Variants in DHRSX observed in about 807,000 individuals in gnomAD.
DHRSX encodes polyprenol dehydrogenase.
In DHRSX, 31 loss-of-function variants were observed where a neutral mutation model predicts 34.0. The observed-to-expected ratio is 0.91, with a 90% CI of 0.69 to 1.23. The LOEUF (loss-of-function observed/expected upper bound fraction) is 1.23, where lower values mean the gene tolerates loss of function less well. Ranked by LOEUF, DHRSX falls within the 50% of genes most tolerant of loss-of-function variation. The probability of loss-of-function intolerance (pLI) is 0.00; values close to 1 mark genes in which losing one functional copy is unlikely to be tolerated. For missense variants in DHRSX, 414 were observed against 428.1 expected, an observed-to-expected ratio of 0.97 and a Z score of 0.29; for synonymous variants, 201 against 183.8, an observed-to-expected ratio of 1.09 and a Z score of -0.76.
At chrX:2,244,203 T>C (rs2016224482) in intron 5 of DHRSX, among the ~76,000 whole-genome samples, 1 of 152,130 alleles carries the variant, frequency 6.6e-6, no homozygotes, top group Non-Finnish European at 1.5e-5. Context: ...CATGTTAAAC[T>C]CTTTGCACCT....
intron 3 of DHRSX, among the ~76,000 whole-genome samples, chrX:2,348,077 G>A (rs1362856603): frequency 2.6e-5 from 4 of 152,158 alleles, no homozygotes; most frequent in Non-Finnish European, 4.4e-5. Context: ...CCCAAGCCAG[G>A]CCAATTGGGT....
chrX:2,461,241 T>C (rs949641939), intron 1 of DHRSX, among the ~76,000 whole-genome samples: 2 of 152,160 alleles, frequency 1.3e-5, no homozygotes, highest in Non-Finnish European at 2.9e-5. Context: ...ACAAATAAAA[T>C]AGGAGTCCGG....
At chrX:2,436,054 A>G (rs928271388) in intron 1 of DHRSX, among the ~76,000 whole-genome samples, 2 of 151,992 alleles carry the variant, frequency 1.3e-5, no homozygotes, top group African/African-American at 4.8e-5. Flanking sequence ...TTAGCCGGGC[A>G]TGGTAGCACG....
intron 5 of DHRSX, among the ~76,000 whole-genome samples, chrX:2,257,600 G>T (rs1332125001): frequency 6.6e-6 from 1 of 152,140 alleles, no homozygotes; most frequent in Non-Finnish European, 1.5e-5. Flanking sequence ...TCAGAAAGAT[G>T]ACCTTATTTG....
chrX:2,257,201 G>A (rs1278479444), intron 5 of DHRSX, among the ~76,000 whole-genome samples: 1 of 152,184 alleles, frequency 6.6e-6, no homozygotes, highest in Non-Finnish European at 1.5e-5. Context: ...TGATCCACCT[G>A]CCTCGGCCTC....
At chrX:2,420,365 G>A (rs1424905396) in intron 2 of DHRSX, among the ~76,000 whole-genome samples, 3 of 151,056 alleles carry the variant, frequency 2.0e-5, no homozygotes, top group Admixed American at 6.6e-5. Flanking sequence ...CTGAGATCGC[G>A]CCACTGCACT....
chrX:2,455,254 G>A lies in DHRSX; in HGVS notation c.110-29950C>T, dbSNP rs750014385. Among the ~76,000 whole-genome samples the A allele has an allele frequency of 1.5e-4, 23 of 152,058 alleles. No homozygotes were observed. The East Asian group carries it at 4.1e-3, about 27-fold the overall frequency. ...AGTGGTAGGTAAGCATTGGGTACCC[G>A]TGGATATAAAGAAGGGATCAGACTC... On this transcript the variant is annotated intron_variant, in intron 1 of 6. Transcript: ENST00000334651.
intron 3 of DHRSX, among the ~76,000 whole-genome samples, chrX:2,304,277 ATGGGTGGGTGGGTGGG>A (rs1258209865): frequency 1.7e-5 from 2 of 114,340 alleles, no homozygotes; most frequent in African/African-American, 3.6e-5. Flanking sequence ...GGGTGGATGG[ATGGGTGGGTGGGTGGG>A]TGGATGGATG....
chrX:2,388,482 G>A (rs1296904990), intron 3 of DHRSX, among the ~76,000 whole-genome samples: 4 of 152,102 alleles, frequency 2.6e-5, no homozygotes, highest in Non-Finnish European at 5.9e-5. Flanking sequence ...GACACAGGGA[G>A]AAGACGGTGA....
At chrX:2,471,094 C>G in intron 1 of DHRSX, among the ~76,000 whole-genome samples, 1 of 152,070 alleles carries the variant, frequency 6.6e-6, no homozygotes, top group Admixed American at 6.5e-5. Context: ...CTTTTTTTAA[C>G]GAAAAATGAA....
chrX:2,414,620 A>G (rs1161362912), intron 2 of DHRSX, among the ~76,000 whole-genome samples: 1 of 151,908 alleles, frequency 6.6e-6, no homozygotes, highest in African/African-American at 2.4e-5. Flanking sequence ...CATCATAACC[A>G]AACCAACTAG....
At chrX:2,284,744 A>G (rs1365105118) in intron 4 of DHRSX, among the ~76,000 whole-genome samples, 1 of 152,144 alleles carries the variant, frequency 6.6e-6, no homozygotes, top group Admixed American at 6.6e-5. Context: ...CAGGAGGTCT[A>G]TTATTGATTT....
At chrX:2,355,788 T>C (rs1273957635) in intron 3 of DHRSX, among the ~76,000 whole-genome samples, 1 of 151,882 alleles carries the variant, frequency 6.6e-6, no homozygotes, top group Non-Finnish European at 1.5e-5. Context: ...GAGACTCAGC[T>C]GGGTATGGTG....
chrX:2,255,680 G>A (rs1376510729), intron 5 of DHRSX, among the ~76,000 whole-genome samples: 2 of 152,006 alleles, frequency 1.3e-5, no homozygotes, highest in African/African-American at 4.8e-5. Context: ...GGAAGTCGAA[G>A]TGGGCAGATC....
chrX:2,289,042 C>T (rs902042326), intron 4 of DHRSX, among the ~76,000 whole-genome samples: 5 of 152,152 alleles, frequency 3.3e-5, no homozygotes, highest in Non-Finnish European at 7.3e-5. Flanking sequence ...GGTTCATATA[C>T]ACATTGCTCA....
At chrX:2,474,380 A>G (rs66542803) in intron 1 of DHRSX, among the ~76,000 whole-genome samples, 31,003 of 151,302 alleles carry the variant, frequency 0.2, 4,153 homozygotes, top group African/African-American at 0.39. Flanking sequence ...GACCACTGCC[A>G]TGTACACACT....
intron 3 of DHRSX, among the ~76,000 whole-genome samples, chrX:2,358,892 T>C (rs2124584247): frequency 6.8e-6 from 1 of 148,094 alleles, no homozygotes; most frequent in East Asian, 2.0e-4. Flanking sequence ...GAGGTTGCAG[T>C]GAGCCGAGAT....
Position 2,227,433 on chromosome X carries a change from GAC to G in DHRSX, c.805-6206_805-6205del, listed in dbSNP as rs766530309. Among the ~76,000 whole-genome samples, 46 of 147,180 alleles carry G rather than the reference GAC, an allele frequency of 3.1e-4. No individual in the cohort carries two copies. In the South Asian group the frequency reaches 9.6e-3, roughly 31 times the overall value. ...GCATAATGGGAGGGAAGGAAGGAGT[GAC>G]ACAGAGAGAGAGGGAGGGAGGCAGT... On this transcript the variant is annotated intron_variant, in intron 6 of 6. Coordinates refer to ENST00000334651, the MANE Select transcript of DHRSX (RefSeq NM_145177.3).
At chrX:2,232,474 C>T (rs529331693) in intron 6 of DHRSX, among the ~76,000 whole-genome samples, 1 of 151,640 alleles carries the variant, frequency 6.6e-6, no homozygotes, top group African/African-American at 2.4e-5. Flanking sequence ...GGGGTCCTCA[C>T]GCTTAGCACT....
Sources: gnomAD v4.1 joint callset for allele counts (sites outside exome capture counted in the v4.1 genomes callset) on GRCh38, gnomAD v4.1.1 for gene constraint, MANE v1.5 for transcripts, NCBI Gene and HGNC (gene_info 2026-07-23, HGNC 2026-07-21) for gene names.